Variants in ZSCAN5C observed in about 807,000 individuals in gnomAD.
The protein encoded by ZSCAN5C is zinc finger and SCAN domain containing 5C.
ZSCAN5C carries 11 observed loss-of-function variants against 17.3 expected under a neutral mutation model. The ratio of observed to expected loss-of-function variants is 0.64; its 90% confidence interval spans 0.40 to 1.06. ZSCAN5C has a LOEUF of 1.06. ZSCAN5C is among the 50% of genes least tolerant of loss of function. The pLI, the probability that ZSCAN5C is intolerant of heterozygous loss-of-function variation, is 0.00. For synonymous variants in ZSCAN5C, 229 were observed against 208.4 expected, an observed-to-expected ratio of 1.10 and a Z score of -0.85; for missense variants, 698 against 538.9, an observed-to-expected ratio of 1.30 and a Z score of -2.92.
intron 1 of ZSCAN5C, among the ~76,000 whole-genome samples, chr19:56,204,753 T>C (rs930266311): frequency 2.6e-5 from 4 of 151,850 alleles, no homozygotes; most frequent in Non-Finnish European, 5.9e-5. Flanking sequence ...TACCAGTGAC[T>C]TTTCCCAAGA....
exon 5 of ZSCAN5C, chr19:56,208,657 C>G: frequency 6.2e-7 from 1 of 1,612,472 alleles, no homozygotes; most frequent in Non-Finnish European, 8.5e-7. Flanking sequence ...AAGGAGAAGC[C>G]ACACCTGTGG....
At chr19:56,207,500 G>A (rs4801301) in intron 3 of ZSCAN5C, among the ~76,000 whole-genome samples, 49,507 of 150,972 alleles carry the variant, frequency 0.33, 8,556 homozygotes, top group Middle Eastern at 0.57. Flanking sequence ...AAATGGTCTC[G>A]GTGAAATAAC....
intron 2 of ZSCAN5C, 65 bp downstream of exon 2, chr19:56,206,362 T>C (rs1000396033): frequency 3.5e-6 from 5 of 1,418,404 alleles, no homozygotes; most frequent in South Asian, 1.4e-5. Context: ...ATGGTGCAGC[T>C]GGACTCGAGA....
chr19:56,205,210 C>A (rs12709954), intron 1 of ZSCAN5C, among the ~76,000 whole-genome samples: 1 of 151,454 alleles, frequency 6.6e-6, no homozygotes, highest in African/African-American at 2.4e-5. Flanking sequence ...AATTGTTCAC[C>A]TGAAGAGGGT....
exon 5 of ZSCAN5C, chr19:56,208,610 A>C (rs2032951761): frequency 6.2e-7 from 1 of 1,605,960 alleles, no homozygotes; most frequent in Non-Finnish European, 8.5e-7. Flanking sequence ...CAAAAGAAGC[A>C]AACCAGACGC....
exon 2 of ZSCAN5C, chr19:56,206,194 T>C: frequency 1.3e-6 from 2 of 1,591,350 alleles, no homozygotes; most frequent in African/African-American, 1.4e-5. Flanking sequence ...CAGTTCATGA[T>C]CTCCATGCCC....
In ZSCAN5C at chr19:56,206,071, C is replaced by CA. The variant is rs1568590389; in HGVS notation, c.158_159insA (p.Lys54GlufsTer14). 6.2e-7 allele frequency: 1 copy of CA among 1,612,194 alleles called. No individual in the cohort carries two copies. Among genetic ancestry groups the CA allele is most frequent in the Admixed American group, 1.7e-5 (1 of 59,950 alleles). On this transcript the variant is annotated frameshift_variant, in exon 2 of 5. Coordinates refer to ENST00000534327, the Ensembl canonical transcript of ZSCAN5C. LOFTEE classifies it high-confidence loss of function. ...GTGAACTTCAGGATGTTCAGCTGCC[C>CA]GAAGGAGTCGGACCCCATCCAGGCT...
intron 3 of ZSCAN5C, among the ~76,000 whole-genome samples, 193 bp downstream of exon 3, chr19:56,207,455 C>A (rs981588779): frequency 2.0e-5 from 3 of 147,696 alleles, no homozygotes; most frequent in African/African-American, 5.2e-5. Flanking sequence ...TTCTCTCCAC[C>A]ATGAGAGCTT....
At chr19:56,207,393 T>C in intron 3 of ZSCAN5C, 131 bp downstream of exon 3, 1 of 575,502 alleles carries the variant, frequency 1.7e-6, no homozygotes, top group Non-Finnish European at 3.1e-6. Context: ...ACATGGTACA[T>C]CCCCAAACAT....
intron 2 of ZSCAN5C, 128 bp downstream of exon 2, chr19:56,206,425 C>A (rs937308578): frequency 7.3e-7 from 1 of 1,373,880 alleles, no homozygotes; most frequent in African/African-American, 1.5e-5. Flanking sequence ...AGAGTTTGCC[C>A]ATCAGGGACA....
At chr19:56,209,344 A>G (rs1358361146), downstream of ZSCAN5C, 1 of 491,204 alleles carries the variant, frequency 2.0e-6, no homozygotes, top group African/African-American at 2.0e-5. Context: ...GTTTGTTTAA[A>G]TCTTTTTCCT....
chr19:56,207,990 C>A, intron 3 of ZSCAN5C, 44 bp from the exon 4 acceptor site: 1 of 688,088 alleles, frequency 1.5e-6, no homozygotes, highest in Admixed American at 2.1e-5. Flanking sequence ...GTCCTTCCAC[C>A]GGTTTAGGCA....
intron 3 of ZSCAN5C, 82 bp from the exon 4 acceptor site, chr19:56,207,952 G>C (rs2032942135): frequency 3.1e-6 from 2 of 647,918 alleles, no homozygotes; most frequent in Admixed American, 4.7e-5. Context: ...AGAAGAGTTG[G>C]TGCATCCAGT....
chr19:56,206,290 A>C, exon 2 of ZSCAN5C: 1 of 1,520,232 alleles, frequency 6.6e-7, no homozygotes, highest in Non-Finnish European at 8.9e-7. Flanking sequence ...AGAAGACCCA[A>C]GAAATGGGTG....
At chr19:56,208,815 G>C in exon 5 of ZSCAN5C, 1 of 1,561,096 alleles carries the variant, frequency 6.4e-7, no homozygotes. Flanking sequence ...AAGTATCGCG[G>C]CAAGTTAGCC....
At chr19:56,205,658 G>A in intron 1 of ZSCAN5C, 129 bp from the exon 2 acceptor site, 1 of 431,552 alleles carries the variant, frequency 2.3e-6, no homozygotes, top group Non-Finnish European at 4.1e-6. Context: ...TAACAGAGTG[G>A]ATTGATTTCC....
At chr19:56,205,977 C>A in exon 2 of ZSCAN5C, 1 of 1,549,594 alleles carries the variant, frequency 6.5e-7, no homozygotes, top group Non-Finnish European at 8.9e-7. Context: ...TGGGTCAGAG[C>A]CACCACAGTC....
chr19:56,208,525 T>A (rs2032950235), exon 5 of ZSCAN5C: 2 of 1,584,172 alleles, frequency 1.3e-6, no homozygotes, highest in Admixed American at 3.3e-5. Flanking sequence ...CTGACACACC[T>A]TCTGCCTGCG....
intron 1 of ZSCAN5C, among the ~76,000 whole-genome samples, chr19:56,204,501 C>T (rs559219620): frequency 2.6e-4 from 39 of 151,822 alleles, no homozygotes; most frequent in Non-Finnish European, 4.3e-4. Flanking sequence ...TGGCCATTCA[C>T]ATGTCTTCAT....
Sources: allele counts gnomAD v4.1 joint callset (sites outside exome capture counted in the v4.1 genomes callset), GRCh38; gene constraint gnomAD v4.1.1; transcripts MANE v1.5; gene names NCBI Gene and HGNC (gene_info 2026-07-23, HGNC 2026-07-21).